The following DAB1 variants were observed in gnomAD, a reference collection of about 807,000 sequenced individuals.
The protein encoded by DAB1 is disabled homolog 1.
DAB1 carries 15 observed loss-of-function variants against 64.6 expected under a neutral mutation model. The ratio of observed to expected loss-of-function variants is 0.23; its 90% CI spans 0.16 to 0.36. The LOEUF is 0.36. Ranked by LOEUF, DAB1 falls within the 10% of genes least tolerant of loss-of-function variation. The pLI, the probability that DAB1 is intolerant of heterozygous loss-of-function variation, is 1.00. For synonymous variants in DAB1, 235 were observed against 251.9 expected (o/e 0.93, Z 0.64); for missense variants, 596 against 706.7 (o/e 0.84, Z 1.78).
At chr1:57,777,098 T>A (rs1265527635) in intron 6 of DAB1, among the ~76,000 whole-genome samples, 1 of 151,372 alleles carries the variant, frequency 6.6e-6, no homozygotes, top group East Asian at 1.9e-4. Flanking sequence ...AGCTTTTTTT[T>A]TTTTAAAGCA....
At chr1:57,674,591 A>T (rs1387862494) in intron 6 of DAB1, among the ~76,000 whole-genome samples, 2 of 152,126 alleles carry the variant, frequency 1.3e-5, no homozygotes, top group East Asian at 3.9e-4. Flanking sequence ...TCTCTGTTTC[A>T]TCAGGCTATC....
At chr1:58,416,482 C>T (rs1049103845) in intron 3 of DAB1, among the ~76,000 whole-genome samples, 1 of 152,118 alleles carries the variant, frequency 6.6e-6, no homozygotes, top group African/African-American at 2.4e-5. Flanking sequence ...TTGTAAAAGG[C>T]CATGCTGTCC....
chr1:58,341,209 T>G (rs867573309), intron 4 of DAB1, among the ~76,000 whole-genome samples: 1 of 152,210 alleles, frequency 6.6e-6, no homozygotes, highest in Non-Finnish European at 1.5e-5. Context: ...TATTTTCTTA[T>G]GATTTCCAAA....
intron 2 of DAB1, among the ~76,000 whole-genome samples, chr1:57,283,946 A>G (rs1672112254): frequency 6.6e-6 from 1 of 152,196 alleles, no homozygotes; most frequent in Non-Finnish European, 1.5e-5. Context: ...TATATATGTC[A>G]ACTTCCAGAG....
intron 4 of DAB1, among the ~76,000 whole-genome samples, chr1:58,293,531 G>A (rs6665082): frequency 0.12 from 18,364 of 152,192 alleles, 1,373 homozygotes; most frequent in Admixed American, 0.19. Flanking sequence ...GCACAGCAAT[G>A]GAAAGGCTGA....
intron 4 of DAB1, among the ~76,000 whole-genome samples, chr1:58,172,333 C>T (rs1656220056): frequency 6.6e-6 from 1 of 152,156 alleles, no homozygotes; most frequent in Non-Finnish European, 1.5e-5. Flanking sequence ...AAATGCTGGC[C>T]TTACTGTTTA....
At chr1:57,355,527 T>C (rs951645973) in intron 1 of DAB1, among the ~76,000 whole-genome samples, 3 of 151,988 alleles carry the variant, frequency 2.0e-5, no homozygotes, top group Non-Finnish European at 4.4e-5. Context: ...TAAACACTAG[T>C]GCTATGGGGA....
At chr1:57,794,239 G>A (rs1263800149) in intron 6 of DAB1, among the ~76,000 whole-genome samples, 1 of 152,168 alleles carries the variant, frequency 6.6e-6, no homozygotes, top group African/African-American at 2.4e-5. Context: ...TGGAGAAGGA[G>A]GAGTGTCAGA....
chr1:57,296,592 C>G (rs1197850345), intron 1 of DAB1, among the ~76,000 whole-genome samples: 1 of 151,968 alleles, frequency 6.6e-6, no homozygotes. Flanking sequence ...GATACAGAAG[C>G]CATCATGAAG....
chr1:58,190,807 C>T (rs183180729), intron 4 of DAB1, among the ~76,000 whole-genome samples: 8 of 152,344 alleles, frequency 5.3e-5, no homozygotes, highest in African/African-American at 1.7e-4. Context: ...AAAAGAGAAG[C>T]GCAGCCAGTG....
intron 5 of DAB1, among the ~76,000 whole-genome samples, chr1:57,936,292 T>G (rs1206534326): frequency 6.6e-6 from 1 of 152,248 alleles, no homozygotes; most frequent in Non-Finnish European, 1.5e-5. Context: ...AGTTGATCCA[T>G]TCATCTGCCT....
intron 5 of DAB1, chr1:58,060,134 T>G (rs1039973954): frequency 6.6e-6 from 1 of 151,926 alleles, no homozygotes; most frequent in Non-Finnish European, 1.5e-5. Context: ...AGCAGCAGGG[T>G]GAGGAGGAAG....
chr1:57,785,263 G>C (rs1013184468), intron 6 of DAB1, among the ~76,000 whole-genome samples: 1 of 152,150 alleles, frequency 6.6e-6, no homozygotes, highest in Non-Finnish European at 1.5e-5. Flanking sequence ...TGATGGATAT[G>C]TGCAAGGAGA....
intron 5 of DAB1, among the ~76,000 whole-genome samples, chr1:58,142,235 C>T (rs1654326520): frequency 6.6e-6 from 1 of 152,180 alleles, no homozygotes; most frequent in African/African-American, 2.4e-5. Flanking sequence ...TCCCCTGCCA[C>T]TCGGCTGCCT....
intron 7 of DAB1, among the ~76,000 whole-genome samples, chr1:57,496,993 A>G (rs1182189868): frequency 6.6e-6 from 1 of 152,134 alleles, no homozygotes; most frequent in Admixed American, 6.5e-5. Flanking sequence ...CTGACCTTTC[A>G]GCTGCCCCTC....
chr1:57,116,364 A>G (rs1173905311), intron 4 of DAB1, among the ~76,000 whole-genome samples: 4 of 148,594 alleles, frequency 2.7e-5, no homozygotes, highest in African/African-American at 5.0e-5. Flanking sequence ...CAGCAGGCTG[A>G]GGCAGGAGAA....
At chr1:58,169,516 G>A (rs1172665543) in intron 4 of DAB1, among the ~76,000 whole-genome samples, 2 of 152,068 alleles carry the variant, frequency 1.3e-5, no homozygotes, top group East Asian at 3.9e-4. Context: ...TTCTCTCTCT[G>A]ATGGGGAAAA....
chr1:57,350,500 T>C (rs1048403194), intron 1 of DAB1, among the ~76,000 whole-genome samples: 3 of 152,122 alleles, frequency 2.0e-5, no homozygotes, highest in Non-Finnish European at 4.4e-5. Context: ...CATATCCTGC[T>C]CCCACTTGGC....
chr1:58,082,773 A>G (rs1202587363), intron 5 of DAB1, among the ~76,000 whole-genome samples: 1 of 152,100 alleles, frequency 6.6e-6, no homozygotes, highest in Non-Finnish European at 1.5e-5. Context: ...TGTAGCCGGC[A>G]TCTGTGCAGA....
Sources: gnomAD v4.1 joint callset for allele counts (sites outside exome capture counted in the v4.1 genomes callset) on GRCh38, gnomAD v4.1.1 for gene constraint, MANE v1.5 for transcripts, NCBI Gene and HGNC (gene_info 2026-07-23, HGNC 2026-07-21) for gene names.